CD82: variants seen among roughly 807,000 people sequenced by gnomAD.
CD82 encodes CD82 molecule.
CD82 carries 36 observed loss-of-function variants against 37.4 expected under a neutral mutation model. The observed-to-expected ratio is 0.96, with a 90% CI of 0.74 to 1.27. CD82 has a LOEUF of 1.27. Among genes scored for constraint, CD82 ranks in the 50% most tolerant of loss-of-function variants. CD82 has a pLI of 0.00. For missense variants in CD82, 340 were observed against 347.0 expected, an observed-to-expected ratio of 0.98 and a Z score of 0.16; for synonymous variants, 158 against 137.4, an observed-to-expected ratio of 1.15 and a Z score of -1.05.
chr11:44,613,347 G>A (rs1853514531), intron 6 of CD82, among the ~76,000 whole-genome samples: 1 of 152,236 alleles, frequency 6.6e-6, no homozygotes, highest in South Asian at 2.1e-4. Flanking sequence ...GCCGAGGGAG[G>A]CCCTGCCCTC....
intron 6 of CD82, chr11:44,606,456 A>G (rs1439901608): frequency 7.3e-6 from 1 of 136,882 alleles, no homozygotes; most frequent in African/African-American, 2.9e-5. Flanking sequence ...CAACAGAGTG[A>G]GACCCTGTCT....
chr11:44,587,178 G>C, intron 1 of CD82: 1 of 343,942 alleles, frequency 2.9e-6, no homozygotes, highest in South Asian at 2.3e-5. Context: ...TTTGGGAGGA[G>C]GGATGTCAGC....
At chr11:44,590,409 C>T (rs967648127) in intron 2 of CD82, among the ~76,000 whole-genome samples, 1 of 151,296 alleles carries the variant, frequency 6.6e-6, no homozygotes, top group Non-Finnish European at 1.5e-5. Context: ...GAGATCGAGA[C>T]CATCCTGGCT....
intron 2 of CD82, among the ~76,000 whole-genome samples, chr11:44,592,038 C>G (rs140868417): frequency 1.3e-5 from 2 of 152,084 alleles, no homozygotes; most frequent in Non-Finnish European, 2.9e-5. Context: ...AGGCTGGTCT[C>G]GAACTCCTGA....
chr11:44,591,221 C>A, intron 2 of CD82, among the ~76,000 whole-genome samples: 1 of 152,158 alleles, frequency 6.6e-6, no homozygotes, highest in East Asian at 1.9e-4. Flanking sequence ...GGATGGAGCC[C>A]ATGGGTGGTG....
chr11:44,594,777 G>A, intron 3 of CD82, 52 bp downstream of exon 3: 1 of 1,482,228 alleles, frequency 6.7e-7, no homozygotes, highest in South Asian at 1.1e-5. Flanking sequence ...TCTCCTTCCA[G>A]GGGCATCCCA....
At chr11:44,570,981 G>A (rs1852806063) in intron 1 of CD82, among the ~76,000 whole-genome samples, 1 of 152,138 alleles carries the variant, frequency 6.6e-6, no homozygotes, top group African/African-American at 2.4e-5. Flanking sequence ...TCTCCCCTCT[G>A]ACCTCCTACC....
intron 4 of CD82, chr11:44,604,745 A>T (rs1281994285): frequency 1.3e-5 from 5 of 388,450 alleles, no homozygotes; most frequent in Non-Finnish European, 2.0e-5. Flanking sequence ...GTGGAGGGGG[A>T]GAGCAGACAA....
At chr11:44,609,920 T>C (rs1853456644) in intron 6 of CD82, among the ~76,000 whole-genome samples, 3 of 152,164 alleles carry the variant, frequency 2.0e-5, no homozygotes, top group Admixed American at 2.0e-4. Flanking sequence ...CTGGGGTAGC[T>C]AATTACGTGG....
intron 1 of CD82, among the ~76,000 whole-genome samples, chr11:44,578,478 C>T (rs779311538): frequency 3.3e-5 from 5 of 152,156 alleles, no homozygotes; most frequent in African/African-American, 7.2e-5. Flanking sequence ...TATACACCCC[C>T]CTTCCAGCTC....
Position 44,590,610 on chromosome 11 carries a change from C to CAAAAAAAAAAAAAAAAAAA in CD82, c.-21+3056_-21+3074dup, listed in dbSNP as rs56665683. Among the ~76,000 whole-genome samples the CAAAAAAAAAAAAAAAAAAA allele has an allele frequency of 1.2e-3, 41 of 33,444 alleles. 4 individuals carry two copies. The highest frequency in any genetic ancestry group is 4.0e-3 in the African/African-American group (38 of 9,576). The allele number at this position is 33,444 out of a possible 152,430, so 21.9% of individuals were successfully genotyped here. A position where few individuals can be genotyped will look rare whatever the true frequency, so the allele number is the denominator to read the frequency against. ...TGGGCAACAGAGGGAGATTCTGTCT[C>CAAAAAAAAAAAAAAAAAAA]AAAAAAAAAAAAAAAAAAAAGATGA... On this transcript the variant is annotated intron_variant, in intron 2 of 9. Transcript: ENST00000227155.
chr11:44,610,105 T>C (rs11601257), intron 6 of CD82, among the ~76,000 whole-genome samples: 70,521 of 151,996 alleles, frequency 0.46, 17,403 homozygotes, highest in African/African-American at 0.62. Context: ...ATTTATACCT[T>C]ATTATAAGGG....
At chr11:44,592,755 C>T (rs1473482238) in intron 2 of CD82, among the ~76,000 whole-genome samples, 1 of 152,190 alleles carries the variant, frequency 6.6e-6, no homozygotes, top group African/African-American at 2.4e-5. Context: ...GCCCAGGTTG[C>T]ACTGCCCTGG....
chr11:44,595,156 C>A (rs367548701), intron 3 of CD82, among the ~76,000 whole-genome samples: 1 of 152,376 alleles, frequency 6.6e-6, no homozygotes, highest in Middle Eastern at 3.4e-3. Flanking sequence ...ATCACACCCC[C>A]GTCCCTGTCG....
At chr11:44,615,404 C>T in intron 7 of CD82, 31 bp downstream of exon 7, 1 of 1,382,928 alleles carries the variant, frequency 7.2e-7, no homozygotes, top group Non-Finnish European at 1.0e-6. Context: ...AGGAGGCTCT[C>T]TGGCCTGGGT....
At chr11:44,613,774 G>T (rs564616208) in intron 6 of CD82, among the ~76,000 whole-genome samples, 4 of 152,072 alleles carry the variant, frequency 2.6e-5, no homozygotes, top group South Asian at 2.1e-4. Context: ...AGTGAACTGA[G>T]ATCCTGCCAC....
chr11:44,614,489 G>A (rs1480043364), intron 6 of CD82, among the ~76,000 whole-genome samples: 1 of 152,244 alleles, frequency 6.6e-6, no homozygotes, highest in East Asian at 1.9e-4. Context: ...CAGGCTTGGC[G>A]CTAGCCACGG....
intron 7 of CD82, among the ~76,000 whole-genome samples, chr11:44,616,911 C>T (rs149938839): frequency 1.3e-5 from 2 of 152,272 alleles, no homozygotes; most frequent in African/African-American, 4.8e-5. Flanking sequence ...TGCCCCCAGC[C>T]TTGCAGACCT....
chr11:44,607,624 GGAGCTGAGCTAGAAAAGT>G (rs1249416708), intron 6 of CD82, among the ~76,000 whole-genome samples: 1 of 152,216 alleles, frequency 6.6e-6, no homozygotes, highest in East Asian at 1.9e-4. Context: ...CCACATGCCA[GGAGCTGAGCTAGAAAAGT>G]GAGCTGCAAT....
Sources: allele counts gnomAD v4.1 joint callset (sites outside exome capture counted in the v4.1 genomes callset), GRCh38; gene constraint gnomAD v4.1.1; transcripts MANE v1.5; gene names NCBI Gene and HGNC (gene_info 2026-07-23, HGNC 2026-07-21).